The following ABCF1 variants were observed in gnomAD, a reference collection of about 807,000 sequenced individuals.
ABCF1 encodes ATP-binding cassette sub-family F member 1.
A neutral mutation model predicts 126.3 loss-of-function variants in ABCF1; 73 were observed. The observed-to-expected ratio is 0.58, with a 90% CI of 0.48 to 0.70. The LOEUF (loss-of-function observed/expected upper bound fraction) is 0.70, where lower values mean the gene tolerates loss of function less well. Ranked by LOEUF, ABCF1 falls within the 30% of genes least tolerant of loss-of-function variation. ABCF1 has a pLI of 0.00. For missense variants in ABCF1, 786 were observed against 1,057.5 expected (o/e 0.74, Z 3.56); for synonymous variants, 345 against 396.4 (o/e 0.87, Z 1.54).
chr6:30,586,076 ACATTTCAAGGACT>A lies in ABCF1; in HGVS notation c.1714-57_1714-45del. 6.3e-7 allele frequency: 1 copy of A among 1,595,146 alleles called. No homozygotes were observed. The highest frequency in any genetic ancestry group is 8.5e-7 in the Non-Finnish European group (1 of 1,172,338). Reference sequence around the variant, plus strand: ...GAAGGAGACTCTGGAACGCTGGCCTACATTTCAAGGACTGCCGCGCAGGGCTCAGGTTTCTCTT... The same window carrying A: ...GAAGGAGACTCTGGAACGCTGGCCTAGCCGCGCAGGGCTCAGGTTTCTCTT... On this transcript the variant is annotated intron_variant, in intron 17 of 24. Coordinates refer to ENST00000326195, the MANE Select transcript of ABCF1 (RefSeq NM_001025091.2). The surrounding 1 kb of genome is among the most constrained non-coding windows in gnomAD (Gnocchi z 4.9).
At chr6:30,588,505 G>A (rs538665141) in intron 20 of ABCF1, among the ~76,000 whole-genome samples, 1 of 152,142 alleles carries the variant, frequency 6.6e-6, no homozygotes, top group Admixed American at 6.5e-5. Context: ...GGGACAACAG[G>A]CGCGTGCTAC....
rs779273946 is a variant in ABCF1 at position 30,579,933 on chromosome 6, C to T, written c.492C>T (p.Ala164=). 22 of 1,612,446 alleles carry T rather than the reference C, an allele frequency of 1.4e-5. No homozygotes were observed. Among genetic ancestry groups the T allele is most frequent in the African/African-American group, 8.0e-5 (6 of 74,756 alleles). The change falls in exon 7 of 25, where the codon GCC becomes GCT. Residue 164 remains alanine, a splice_region_variant and synonymous_variant. Coordinates refer to ENST00000326195, the MANE Select transcript of ABCF1 (RefSeq NM_001025091.2). The stretch of plus-strand genomic sequence containing the variant: ...ATGTGTATGTGTGTCTCCTCCAGGC[C>T]GTATCTGAGGAACAGCAGCCTGCAC... The part of the protein sequence containing the change: ...AKPEKNRINK[A]VSEEQQPALK...
rs1471174178 is a variant in ABCF1 at position 30,583,083 on chromosome 6, A to G, written c.810A>G (p.Gln270=). The G allele has an allele frequency of 3.7e-6, 6 of 1,610,144 alleles. No homozygotes were observed. The highest frequency in any genetic ancestry group is 4.2e-6 in the Non-Finnish European group (5 of 1,177,570). ...KLKKQMEYER[Q]VASLKAANAA... ...CTTCTCAGATGGAGTATGAGCGCCA[A>G]GTGGCTTCATTAAAAGCAGCCAATG... Residue 270 remains glutamine (Q), a synonymous_variant, in exon 10 of 25, where the codon CAA becomes CAG. Coordinates refer to ENST00000326195, the MANE Select transcript of ABCF1 (RefSeq NM_001025091.2). The surrounding 1 kb of genome is among the most constrained non-coding windows in gnomAD (Gnocchi z 4.1).
Position 30,571,484 on chromosome 6 carries a change from C to T in ABCF1, c.-4C>T, listed in dbSNP as rs748680496. On this transcript the variant is annotated 5_prime_UTR_variant, in exon 1 of 25. Coordinates refer to ENST00000326195, the MANE Select transcript of ABCF1 (RefSeq NM_001025091.2). Reference sequence around the variant, plus strand: ...CCGCCACAGTAGCTGTAACTGCCACCGCGATGCCGAAGGCGCCCAAGCAGC... The same window carrying T: ...CCGCCACAGTAGCTGTAACTGCCACTGCGATGCCGAAGGCGCCCAAGCAGC... 4.3e-6 allele frequency: 7 copies of T among 1,609,634 alleles called. No individual in the cohort carries two copies. In the East Asian group the frequency reaches 8.9e-5, roughly 21 times the overall value.
rs571685583 is a variant in ABCF1, at chr6:30,584,245, A to G, written c.1156A>G (p.Lys386Glu). 3 of 1,613,080 alleles carry G rather than the reference A, an allele frequency of 1.9e-6. No homozygotes were observed. The highest frequency in any genetic ancestry group is 2.7e-5 in the African/African-American group (2 of 75,026). ...CCAGGCTGTTCTTCGAGCTGACACC[A>G]AGCGATTGAAGCTGCTGGAAGAGGA... The part of the protein sequence containing the change: ...AVQAVLRADT[K>E]RLKLLEEERR... Residue 386 changes from lysine to glutamate, a missense_variant, in exon 13 of 25, where the codon AAG becomes GAG. Physicochemically the swap from Lys to Glu is moderately conservative, Grantham distance 56. This residue lies in a region of ABCF1 where 163 missense variants were observed against 255.3 expected (regional missense o/e 0.64). Transcript: ENST00000326195. This position sits in a 1 kb window ranked among gnomAD's most constrained non-coding sequence, Gnocchi z 4.6.
chr6:30,577,956 G>A, intron 3 of ABCF1, 43 bp downstream of exon 3: 1 of 1,613,406 alleles, frequency 6.2e-7, no homozygotes, highest in Non-Finnish European at 8.5e-7. Context: ...AGGCATCTGG[G>A]TTCCACCAAC....
rs936106044 is a variant in ABCF1 at position 30,586,597 on chromosome 6, G to A, written c.1961-44G>A. On this transcript the variant is annotated intron_variant, in intron 19 of 24. Transcript: ENST00000326195. The surrounding 1 kb of genome is among the most constrained non-coding windows in gnomAD (Gnocchi z 4.9). ...GGATGTGTAGCAGGAGCCACAGGGAGAGTCTCTGGGGACCTCTTTGACCAC... is the reference window on the plus strand; with the variant it reads ...GGATGTGTAGCAGGAGCCACAGGGAAAGTCTCTGGGGACCTCTTTGACCAC... 2 of 1,613,180 alleles carry A rather than the reference G, an allele frequency of 1.2e-6. No individual in the cohort carries two copies. Among genetic ancestry groups the A allele is most frequent in the East Asian group, 2.2e-5 (1 of 44,878 alleles).
intron 1 of ABCF1, among the ~76,000 whole-genome samples, chr6:30,576,364 T>C (rs1801502600): frequency 1.5e-5 from 2 of 135,300 alleles, no homozygotes; most frequent in East Asian, 2.5e-4. Context: ...CTCAGCTCAC[T>C]GCAACCTCCG....
chr6:30,580,014 G>GTAAC lies in ABCF1; in HGVS notation c.564+12_564+15dup. ...CAAAAGGGAAGGCTAAGGTGAGAGA[G>GTAAC]TAACTAGCAGGAGGAGGTATTGGGG... On this transcript the variant is annotated intron_variant, in intron 7 of 24. Transcript: ENST00000326195. The GTAAC allele has an allele frequency of 2.5e-6, 4 of 1,611,872 alleles. No homozygotes were observed. Among genetic ancestry groups the GTAAC allele is most frequent in the Non-Finnish European group, 3.4e-6 (4 of 1,179,350 alleles).
chr6:30,590,527 C>A lies in ABCF1; in HGVS notation c.2372-8C>A. 1 of 1,606,854 alleles carries A rather than the reference C, an allele frequency of 6.2e-7. No individual in the cohort carries two copies. Among genetic ancestry groups the A allele is most frequent in the Non-Finnish European group, 8.5e-7 (1 of 1,177,348 alleles). ...CCTGCCCTCTGTTGTTGCTATCTTT[C>A]TTCAAAGCTGTGATCGTTGTCAGCC... On this transcript the variant is annotated splice_region_variant and splice_polypyrimidine_tract_variant and intron_variant, in intron 24 of 24. Transcript: ENST00000326195.
At chr6:30,577,699 A>G (rs989324269) in intron 2 of ABCF1, 119 bp from the exon 3 acceptor site, 7 of 1,054,236 alleles carry the variant, frequency 6.6e-6, no homozygotes, top group African/African-American at 4.8e-5. Context: ...AAAAAAAGAG[A>G]GAGACAGGAG....
chr6:30,587,249 C>CAAA (rs9278735), intron 20 of ABCF1, among the ~76,000 whole-genome samples: 1 of 139,136 alleles, frequency 7.2e-6, no homozygotes, highest in Non-Finnish European at 1.6e-5. Context: ...GACTCCATCT[C>CAAA]AAAAAAAAAA....
chr6:30,584,136 A>G lies in ABCF1; in HGVS notation c.1103-56A>G, dbSNP rs1801980079. 1.3e-6 allele frequency: 2 copies of G among 1,570,402 alleles called. No homozygotes were observed. Among genetic ancestry groups the G allele is most frequent in the Admixed American group, 3.7e-5 (2 of 54,230 alleles). On this transcript the variant is annotated intron_variant, in intron 12 of 24. Transcript: ENST00000326195. This position sits in a 1 kb window ranked among gnomAD's most constrained non-coding sequence, Gnocchi z 4.6. ...AACAGAAATGTAATTGAAGGGAAAG[A>G]AAGATGAGACTCTTGGCTCTTGAGG... is the stretch of plus-strand genomic sequence containing the variant.
chr6:30,582,600 G>T, intron 9 of ABCF1, 93 bp downstream of exon 9: 1 of 1,304,590 alleles, frequency 7.7e-7, no homozygotes, highest in Non-Finnish European at 1.1e-6. Context: ...AAAGGTTTGG[G>T]GGCTACTCCA....
At position 30,590,902 on chromosome 6, in the gene ABCF1, TTCTCTTCATATAACTGAGC is replaced by T; in HGVS notation, c.*203_*221del. Reference sequence around the variant, plus strand: ...TCTCTGAAAGACTTGTTTGTTCTGCTTCTCTTCATATAACTGAGCTGGCCTTATCCTTGGCATCCCCCTA... The same window carrying T: ...TCTCTGAAAGACTTGTTTGTTCTGCTTGGCCTTATCCTTGGCATCCCCCTA... On this transcript the variant is annotated 3_prime_UTR_variant, in exon 25 of 25. Coordinates refer to ENST00000326195, the MANE Select transcript of ABCF1 (RefSeq NM_001025091.2). 1 of 557,468 alleles carries T rather than the reference TTCTCTTCATATAACTGAGC, an allele frequency of 1.8e-6. No homozygotes were observed. The highest frequency in any genetic ancestry group is 3.1e-5 in the East Asian group (1 of 32,612). 34.5% of individuals were successfully genotyped at this position (557,468 alleles called of 1,614,324 possible).
rs1801582499 is a variant in ABCF1, at chr6:30,577,822, T to C, written c.125T>C (p.Phe42Ser). Residue 42 changes from phenylalanine to serine, a missense_variant, in exon 3 of 25, where the codon TTT (phenylalanine) becomes TCT (serine). Around this residue, in one of 4 missense-constraint regions of ABCF1, gnomAD observed 322 missense variants for 322.9 expected, o/e 1.00. Transcript: ENST00000326195. ...GTAGCTTAACTCCCTTTATAGTTCT[T>C]TGAAGAGCTGGCAGTAGAAGATAAA... ...KKDKKIKKTF[F>S]EELAVEDKQA... The C allele has an allele frequency of 6.2e-7, 1 of 1,613,658 alleles. No homozygotes were observed. Among genetic ancestry groups the C allele is most frequent in the African/African-American group, 1.3e-5 (1 of 74,918 alleles).
intron 1 of ABCF1, among the ~76,000 whole-genome samples, 159 bp downstream of exon 1, chr6:30,571,719 T>C (rs1018442466): frequency 4.1e-5 from 6 of 147,858 alleles, no homozygotes; most frequent in African/African-American, 1.5e-4. Flanking sequence ...CGGGGAGGAG[T>C]GGGTTTGGAA....
Position 30,583,467 on chromosome 6 carries a change from G to C in ABCF1, c.916-141G>C. 1.0e-6 allele frequency: 1 copy of C among 962,952 alleles called. No individual in the cohort carries two copies. The highest frequency in any genetic ancestry group is 1.6e-6 in the Non-Finnish European group (1 of 624,816). 59.7% of individuals were successfully genotyped at this position (962,952 alleles called of 1,614,324 possible). Reference sequence around the variant, plus strand: ...AGCGAACAGGGCGGGGACCGGCTGTGGGGAGAGGAAGGGGATTATGCTGGA... The same window carrying C: ...AGCGAACAGGGCGGGGACCGGCTGTCGGGAGAGGAAGGGGATTATGCTGGA... On this transcript the variant is annotated intron_variant, in intron 10 of 24. Coordinates refer to ENST00000326195, the MANE Select transcript of ABCF1 (RefSeq NM_001025091.2). The surrounding 1 kb of genome is among the most constrained non-coding windows in gnomAD (Gnocchi z 4.1).
At position 30,590,597 on chromosome 6, in the gene ABCF1, G is replaced by A. The variant is rs771806744; in HGVS notation, c.2434G>A (p.Val812Met). 3.1e-6 allele frequency: 5 copies of A among 1,612,928 alleles called. No homozygotes were observed. In the South Asian group the frequency reaches 3.3e-5, roughly 11 times the overall value. The change falls in exon 25 of 25, where the codon GTG becomes ATG. Residue 812 changes from valine (V) to methionine (M), a missense_variant. Val to Met is a conservative substitution (Grantham distance 21). Transcript: ENST00000326195. ...ITETNCQLWV[V>M]EEQSVSQIDG... The stretch of plus-strand genomic sequence containing the variant: ...AGAAACCAATTGCCAGCTGTGGGTG[G>A]TGGAGGAGCAGAGTGTTAGCCAAAT...
Sources: allele counts gnomAD v4.1 joint callset (sites outside exome capture counted in the v4.1 genomes callset), GRCh38; gene constraint gnomAD v4.1.1; regional missense constraint gnomAD v4.1.1; non-coding constraint Gnocchi (gnomAD v3.1); transcripts MANE v1.5; gene names NCBI Gene and HGNC (gene_info 2026-07-23, HGNC 2026-07-21).